STYK1: variants seen among roughly 807,000 people sequenced by gnomAD.
The protein encoded by STYK1 is STY kinase 1, also known as tyrosine-protein kinase STYK1.
In STYK1, 46 loss-of-function variants were observed where a neutral mutation model predicts 48.1. That is an observed-to-expected ratio of 0.96 (90% CI 0.75 to 1.22). The LOEUF (loss-of-function observed/expected upper bound fraction) is 1.22, where lower values mean the gene tolerates loss of function less well. STYK1 is among the 50% of genes most tolerant of loss of function. STYK1 has a pLI of 0.00. For synonymous variants in STYK1, 188 were observed against 189.0 expected (o/e 0.99, Z 0.04); for missense variants, 527 against 521.1 (o/e 1.01, Z -0.11).
Position 10,620,368 on chromosome 12 carries a change from A to C in STYK1, c.1065-20T>G, listed in dbSNP as rs1250321196. 5 of 1,610,412 alleles carry C rather than the reference A, an allele frequency of 3.1e-6. No individual in the cohort carries two copies. In the Admixed American group the frequency reaches 8.3e-5, roughly 27 times the overall value. ...CTGTACCTGAGAGGGAAACAAGAGA[A>C]ACTGACTTCCTTGACAAGGCAAATG... On this transcript the variant is annotated intron_variant, in intron 10 of 10. Transcript: ENST00000075503.
intron 1 of STYK1, among the ~76,000 whole-genome samples, chr12:10,666,733 G>A (rs572612700): frequency 6.6e-6 from 1 of 152,260 alleles, no homozygotes; most frequent in East Asian, 1.9e-4. Context: ...TTTATAAGGG[G>A]CTCTTCCCCC....
intron 4 of STYK1, 68 bp downstream of exon 4, chr12:10,633,922 T>C (rs923456999): frequency 6.4e-7 from 1 of 1,572,268 alleles, no homozygotes; most frequent in East Asian, 2.2e-5. Context: ...CATTGAAACT[T>C]AGACCATACT....
At chr12:10,637,039 A>G (rs1947493347) in intron 2 of STYK1, 32 bp downstream of exon 2, 1 of 152,208 alleles carries the variant, frequency 6.6e-6, no homozygotes, top group African/African-American at 2.4e-5. Flanking sequence ...ATATCCTTAC[A>G]CTAACTATCA....
At chr12:10,649,272 C>A (rs1023291620) in intron 1 of STYK1, among the ~76,000 whole-genome samples, 2 of 151,856 alleles carry the variant, frequency 1.3e-5, no homozygotes, top group Middle Eastern at 3.4e-3. Context: ...ACTATTTTTG[C>A]TGCTTTTGTA....
At chr12:10,628,213 A>T (rs1947381917) in intron 6 of STYK1, among the ~76,000 whole-genome samples, 1 of 152,216 alleles carries the variant, frequency 6.6e-6, no homozygotes, top group Admixed American at 6.5e-5. Flanking sequence ...TCAAATAATC[A>T]TACATAAATC....
intron 10 of STYK1, among the ~76,000 whole-genome samples, chr12:10,621,059 T>C (rs1459196128): frequency 1.3e-5 from 2 of 152,186 alleles, no homozygotes; most frequent in East Asian, 3.9e-4. Flanking sequence ...GATGCAGTAA[T>C]TATTTATCAT....
chr12:10,635,881 C>T (rs1000785890), intron 2 of STYK1, among the ~76,000 whole-genome samples: 2 of 152,154 alleles, frequency 1.3e-5, no homozygotes, highest in South Asian at 2.1e-4. Flanking sequence ...TTATATTTTG[C>T]CTTTGCTTGA....
Position 10,619,928 on chromosome 12 carries a change from G to A in STYK1, c.*216C>T. 1 of 613,994 alleles carries A rather than the reference G, an allele frequency of 1.6e-6. No individual in the cohort carries two copies. The highest frequency in any genetic ancestry group is 2.9e-6 in the Non-Finnish European group (1 of 350,572). 38.0% of individuals were successfully genotyped at this position (613,994 alleles called of 1,614,324 possible). The stretch of plus-strand genomic sequence containing the variant: ...CTTCTACCCAGGATTTCTAGGACTG[G>A]GACAGCAGAAGTGAGACTGACAGTA... On this transcript the variant is annotated 3_prime_UTR_variant, in exon 11 of 11. Transcript: ENST00000075503.
intron 1 of STYK1, among the ~76,000 whole-genome samples, chr12:10,668,943 A>G (rs1009321939): frequency 1.3e-5 from 2 of 152,106 alleles, no homozygotes; most frequent in Non-Finnish European, 2.9e-5. Context: ...TAAATTCAGA[A>G]AGCATGTTGG....
chr12:10,667,608 C>T (rs1947846864), intron 1 of STYK1, among the ~76,000 whole-genome samples: 2 of 152,164 alleles, frequency 1.3e-5, no homozygotes, highest in Non-Finnish European at 2.9e-5. Context: ...CCAGCCTGAG[C>T]AACAGAGTAA....
intron 10 of STYK1, 118 bp from the exon 11 acceptor site, chr12:10,620,466 G>T (rs1865890051): frequency 1.1e-6 from 1 of 900,370 alleles, no homozygotes; most frequent in South Asian, 1.6e-5. Context: ...TCTTCTGTTT[G>T]CCCTGTTACT....
In STYK1 at chr12:10,642,147, C is replaced by T. The variant is rs568636507; in HGVS notation, c.-194-4951G>A. On this transcript the variant is annotated intron_variant, in intron 1 of 10. Transcript: ENST00000075503. Reference sequence around the variant, plus strand: ...GCCAGTTATGCTACCTCTCCTTGTCCCTGCAAGAGCTCCCAAATTTTGGAG... The same window carrying T: ...GCCAGTTATGCTACCTCTCCTTGTCTCTGCAAGAGCTCCCAAATTTTGGAG... 3.0e-4 allele frequency among the ~76,000 whole-genome samples: 45 copies of T among 152,274 alleles called. 1 individual carries two copies. Among genetic ancestry groups the T allele is most frequent in the Middle Eastern group, 6.8e-3 (2 of 294 alleles).
intron 1 of STYK1, among the ~76,000 whole-genome samples, chr12:10,663,298 T>C (rs1054862741): frequency 6.6e-6 from 1 of 152,070 alleles, no homozygotes; most frequent in Non-Finnish European, 1.5e-5. Flanking sequence ...TTGACTACTG[T>C]AGATTTGTAG....
intron 3 of STYK1, 79 bp downstream of exon 3, chr12:10,634,488 C>T (rs903728293): frequency 1.4e-6 from 2 of 1,450,128 alleles, no homozygotes; most frequent in East Asian, 2.3e-5. Flanking sequence ...TCAAATCATC[C>T]TCCTTCTAGA....
intron 1 of STYK1, among the ~76,000 whole-genome samples, chr12:10,662,341 T>C (rs1947786245): frequency 6.6e-6 from 1 of 152,258 alleles, no homozygotes; most frequent in Admixed American, 6.5e-5. Flanking sequence ...CACATACAAG[T>C]TTCTGTGTGG....
At position 10,634,038 on chromosome 12, in the gene STYK1, G is replaced by C; in HGVS notation, c.139C>G (p.Leu47Val). The part of the protein sequence containing the change: ...FLILLGVILW[L>V]FIREQRTQQQ... ...TGAGTTCTTTGTTCTCTGATAAAAA[G>C]CCACAGGATGACCCCAAGAAGGATG... Residue 47 changes from leucine (L) to valine (V), a missense_variant, in exon 4 of 11, where the codon CTT becomes GTT. Physicochemically the swap from Leu to Val is conservative, Grantham distance 32. Coordinates refer to ENST00000075503, the MANE Select transcript of STYK1 (RefSeq NM_018423.3). 1 of 1,614,138 alleles carries C rather than the reference G, an allele frequency of 6.2e-7. No individual in the cohort carries two copies. Among genetic ancestry groups the C allele is most frequent in the Non-Finnish European group, 8.5e-7 (1 of 1,180,028 alleles).
chr12:10,655,328 C>G (rs1025235200), intron 1 of STYK1, among the ~76,000 whole-genome samples: 1 of 152,172 alleles, frequency 6.6e-6, no homozygotes, highest in African/African-American at 2.4e-5. Flanking sequence ...CAGAGGACAG[C>G]AATTTTGGAG....
At chr12:10,644,563 T>C (rs1163215798) in intron 1 of STYK1, among the ~76,000 whole-genome samples, 1 of 152,156 alleles carries the variant, frequency 6.6e-6, no homozygotes. Context: ...GAGTAATAAA[T>C]TGCAGGTGAT....
chr12:10,642,997 T>G (rs930573035), intron 1 of STYK1, among the ~76,000 whole-genome samples: 2 of 152,172 alleles, frequency 1.3e-5, no homozygotes, highest in Admixed American at 6.5e-5. Context: ...CCTGAACCAA[T>G]TCTGACGGGG....
Sources: gnomAD v4.1 joint callset for allele counts (sites outside exome capture counted in the v4.1 genomes callset) on GRCh38, gnomAD v4.1.1 for gene constraint, MANE v1.5 for transcripts, NCBI Gene and HGNC (gene_info 2026-07-23, HGNC 2026-07-21) for gene names.